ARRB1: variants seen among roughly 807,000 people sequenced by gnomAD.
ARRB1 encodes beta-arrestin-1.
In ARRB1, 21 loss-of-function variants were observed where a neutral mutation model predicts 56.8. That is an observed-to-expected ratio of 0.37 (90% confidence interval 0.26 to 0.53). The LOEUF (loss-of-function observed/expected upper bound fraction) is 0.53, where lower values mean the gene tolerates loss of function less well. Among genes scored for constraint, ARRB1 ranks in the 20% least tolerant of loss-of-function variants. The probability of loss-of-function intolerance (pLI) is 0.88; values close to 1 mark genes in which losing one functional copy is unlikely to be tolerated. For missense variants in ARRB1, 424 were observed against 553.7 expected (o/e 0.77, Z 2.35); for synonymous variants, 210 against 218.6 (o/e 0.96, Z 0.35).
rs1945833988 is a variant in ARRB1 at position 75,263,055 on chromosome 11, C to T, written c.*3108G>A. On this transcript the variant is annotated 3_prime_UTR_variant, in exon 16 of 16. Transcript: ENST00000420843. ...CGGACCGGTGTCCACACGCCACCCA[C>T]AGGGCACACTGCAAAGTCCCAGTGA... Among the ~76,000 whole-genome samples the T allele has an allele frequency of 6.6e-6, 1 of 152,246 alleles. No individual in the cohort carries two copies. Among genetic ancestry groups the T allele is most frequent in the Non-Finnish European group, 1.5e-5 (1 of 68,048 alleles).
rs1945865061 is a variant in ARRB1, at chr11:75,264,418, G to T, written c.*1745C>A. 1 of 152,238 alleles carries T rather than the reference G, an allele frequency of 6.6e-6. No homozygotes were observed. The highest frequency in any genetic ancestry group is 1.5e-5 in the Non-Finnish European group (1 of 68,084). 9.4% of individuals were successfully genotyped at this position (152,238 alleles called of 1,614,324 possible). ...TATATTTGCCTGGGTAAACCTCAGG[G>T]TGTCTGTGCCCACAGGGGGCTGTGA... On this transcript the variant is annotated 3_prime_UTR_variant, in exon 16 of 16. Coordinates refer to ENST00000420843, the MANE Select transcript of ARRB1 (RefSeq NM_004041.5).
intron 1 of ARRB1, among the ~76,000 whole-genome samples, chr11:75,332,701 C>G (rs1947540282): frequency 6.6e-6 from 1 of 152,134 alleles, no homozygotes; most frequent in Admixed American, 6.5e-5. Flanking sequence ...TCGAGACCAG[C>G]CTGGCCAATA....
intron 1 of ARRB1, among the ~76,000 whole-genome samples, chr11:75,320,405 T>A (rs1947327566): frequency 6.6e-6 from 1 of 151,902 alleles, no homozygotes; most frequent in African/African-American, 2.4e-5. Context: ...CAAAACAGAA[T>A]CCCCAGCAGA....
At chr11:75,340,807 T>C (rs1004435973) in intron 1 of ARRB1, among the ~76,000 whole-genome samples, 1 of 152,146 alleles carries the variant, frequency 6.6e-6, no homozygotes, top group African/African-American at 2.4e-5. Flanking sequence ...GCCAAGGGAC[T>C]TCCCTCCACA....
rs148130209 is a variant in ARRB1 at position 75,299,729 on chromosome 11, C to G, written c.21-9690G>C. ...TACTTTGTAATGGTCTGATAACACC[C>G]TCTGCTTCACTTTTATAGCAACAAT... On this transcript the variant is annotated intron_variant, in intron 1 of 15. Coordinates refer to ENST00000420843, the MANE Select transcript of ARRB1 (RefSeq NM_004041.5). Among the ~76,000 whole-genome samples, 409 of 152,270 alleles carry G rather than the reference C, an allele frequency of 2.7e-3. 2 individuals are homozygous for G. The highest frequency in any genetic ancestry group is 0.021 in the Middle Eastern group (6 of 292).
At position 75,265,166 on chromosome 11, in the gene ARRB1, CAGG is replaced by C. The variant is rs1352024619; in HGVS notation, c.*994_*996del. 1 of 152,454 alleles carries C rather than the reference CAGG, an allele frequency of 6.6e-6. No individual in the cohort carries two copies. The highest frequency in any genetic ancestry group is 1.5e-5 in the Non-Finnish European group (1 of 68,218). 9.4% of individuals were successfully genotyped at this position (152,454 alleles called of 1,614,324 possible). ...AGCCCTGGAGAATGGCAGGGGGAAGCAGGAGGATACTAGTGGCCTCGGCCCCCG... is the reference window on the plus strand; with the variant it reads ...AGCCCTGGAGAATGGCAGGGGGAAGCAGGATACTAGTGGCCTCGGCCCCCG... On this transcript the variant is annotated 3_prime_UTR_variant, in exon 16 of 16. Transcript: ENST00000420843.
chr11:75,311,976 G>C, intron 1 of ARRB1: 2 of 1,222,452 alleles, frequency 1.6e-6, no homozygotes, highest in Admixed American at 2.3e-5. Flanking sequence ...GGCCTGGGCC[G>C]AGGGGCTGGG....
At chr11:75,283,073 G>A (rs1946385711) in intron 5 of ARRB1, among the ~76,000 whole-genome samples, 1 of 152,182 alleles carries the variant, frequency 6.6e-6, no homozygotes, top group Non-Finnish European at 1.5e-5. Context: ...AGGGTCTGAG[G>A]AGTAGCCCAA....
Position 75,281,142 on chromosome 11 carries a change from C to G in ARRB1, c.415G>C (p.Ala139Pro). ...TTGACTTCATAGTCCACACCGCAAG[C>G]CTGTGGGGAAGGGGTCACTGACCAC... ...LQPGPEDTGK[A>P]CGVDYEVKAF... The change falls in exon 7 of 16, where the codon GCT becomes CCT. Residue 139 changes from alanine to proline, a missense_variant and splice_region_variant. Ala to Pro is a conservative substitution (Grantham distance 27). Around this residue, in one of 3 missense-constraint regions of ARRB1, gnomAD observed 301 missense variants for 387.9 expected, o/e 0.78. Transcript: ENST00000420843. 1 of 1,594,688 alleles carries G rather than the reference C, an allele frequency of 6.3e-7. No individual in the cohort carries two copies. Among genetic ancestry groups the G allele is most frequent in the Non-Finnish European group, 8.5e-7 (1 of 1,169,796 alleles).
At position 75,265,585 on chromosome 11, in the gene ARRB1, A is replaced by G. The variant is rs1945889400; in HGVS notation, c.*578T>C. 1 of 155,334 alleles carries G rather than the reference A, an allele frequency of 6.4e-6. No homozygotes were observed. The highest frequency in any genetic ancestry group is 1.4e-5 in the Non-Finnish European group (1 of 69,836). 9.6% of individuals were successfully genotyped at this position (155,334 alleles called of 1,614,324 possible). On this transcript the variant is annotated 3_prime_UTR_variant, in exon 16 of 16. Coordinates refer to ENST00000420843, the MANE Select transcript of ARRB1 (RefSeq NM_004041.5). ...ACGAACTTTCACCAACATCACTATC[A>G]GACACAGAGGGACATCAGGTGGGGA...
At chr11:75,268,813 G>A (rs1021237939) in intron 14 of ARRB1, 76 bp downstream of exon 14, 6 of 1,513,782 alleles carry the variant, frequency 4.0e-6, no homozygotes, top group African/African-American at 1.4e-5. Context: ...GGGCGAACCC[G>A]GGGCGGGGTG....
intron 11 of ARRB1, 60 bp downstream of exon 11, chr11:75,274,014 G>A: frequency 6.2e-7 from 1 of 1,609,946 alleles, no homozygotes; most frequent in Non-Finnish European, 8.5e-7. Flanking sequence ...GACCAAGGAG[G>A]GTGTGGCCCC....
chr11:75,289,717 C>T (rs1946560623), intron 2 of ARRB1, among the ~76,000 whole-genome samples: 1 of 152,154 alleles, frequency 6.6e-6, no homozygotes, highest in Non-Finnish European at 1.5e-5. Flanking sequence ...GTTGGCTTGT[C>T]CTCCACTGTC....
intron 1 of ARRB1, among the ~76,000 whole-genome samples, chr11:75,320,135 G>A (rs1006862074): frequency 6.6e-6 from 1 of 152,138 alleles, no homozygotes; most frequent in East Asian, 1.9e-4. Context: ...GAGAAGAGGT[G>A]AGGTGCCCCC....
At position 75,263,768 on chromosome 11, in the gene ARRB1, G is replaced by C. The variant is rs1221126589; in HGVS notation, c.*2395C>G. ...AAAAAAAAAAAAAAGATAGTGCTCT[G>C]ATCCTTCCCTGCAGCTGGAGAAATT... On this transcript the variant is annotated 3_prime_UTR_variant, in exon 16 of 16. Coordinates refer to ENST00000420843, the MANE Select transcript of ARRB1 (RefSeq NM_004041.5). Among the ~76,000 whole-genome samples, 1 of 151,736 alleles carries C rather than the reference G, an allele frequency of 6.6e-6. No individual in the cohort carries two copies. The highest frequency in any genetic ancestry group is 1.5e-5 in the Non-Finnish European group (1 of 67,956).
At position 75,277,372 on chromosome 11, in the gene ARRB1, T is replaced by C; in HGVS notation, c.695A>G (p.Lys232Arg). ...CCCTCTGTCTGGGATACCTGAGATC[T>C]TGATCTTCTTCACCGTCTTGTTGGT... ...NNTNKTVKKIKISVRQYADIC... is the reference protein window; with the variant it reads ...NNTNKTVKKIRISVRQYADIC... Residue 232 changes from lysine (K) to arginine (R), a missense_variant, in exon 9 of 16, where the codon AAG (lysine) becomes AGG (arginine). Lys to Arg is a conservative substitution (Grantham distance 26). Around this residue, in one of 3 missense-constraint regions of ARRB1, gnomAD observed 301 missense variants for 387.9 expected, o/e 0.78. Coordinates refer to ENST00000420843, the MANE Select transcript of ARRB1 (RefSeq NM_004041.5). The C allele has an allele frequency of 6.2e-7, 1 of 1,614,152 alleles. No individual in the cohort carries two copies. The highest frequency in any genetic ancestry group is 8.5e-7 in the Non-Finnish European group (1 of 1,179,954).
intron 1 of ARRB1, among the ~76,000 whole-genome samples, chr11:75,323,582 T>G (rs903059209): frequency 2.0e-5 from 3 of 152,124 alleles, no homozygotes; most frequent in Non-Finnish European, 4.4e-5. Context: ...ATCACGCCAC[T>G]GCACTCCAGC....
chr11:75,290,191 C>G (rs878862623), intron 1 of ARRB1, 152 bp from the exon 2 acceptor site: 1 of 865,128 alleles, frequency 1.2e-6, no homozygotes, highest in African/African-American at 1.7e-5. Context: ...CCATGTAATC[C>G]GCTCTTACCA....
intron 8 of ARRB1, 24 bp from the exon 9 acceptor site, chr11:75,277,472 G>C (rs1476248196): frequency 3.7e-6 from 6 of 1,607,622 alleles, no homozygotes; most frequent in South Asian, 1.1e-5. Context: ...GAAGGGACGG[G>C]GTTGGCTGGG....
Sources: allele counts gnomAD v4.1 joint callset (sites outside exome capture counted in the v4.1 genomes callset), GRCh38; gene constraint gnomAD v4.1.1; regional missense constraint gnomAD v4.1.1; transcripts MANE v1.5; gene names NCBI Gene and HGNC (gene_info 2026-07-23, HGNC 2026-07-21).